FAM118B: variants seen among roughly 807,000 people sequenced by gnomAD.
FAM118B encodes the protein SIR2 antiphage like 1, also known as protein FAM118B.
FAM118B carries 24 observed loss-of-function variants against 38.5 expected under a neutral mutation model. The ratio of observed to expected loss-of-function variants is 0.62; its 90% CI spans 0.45 to 0.88. FAM118B has a LOEUF of 0.88. FAM118B is among the 40% of genes least tolerant of loss of function. The pLI, the probability that FAM118B is intolerant of heterozygous loss-of-function variation, is 0.00. For missense variants in FAM118B, 334 were observed against 420.0 expected, an observed-to-expected ratio of 0.80 and a Z score of 1.79; for synonymous variants, 138 against 156.3, an observed-to-expected ratio of 0.88 and a Z score of 0.87.
chr11:126,253,008 C>G lies in FAM118B; in HGVS notation c.568-1297C>G, dbSNP rs1488628243. Among the ~76,000 whole-genome samples, 2 of 152,344 alleles carry G rather than the reference C, an allele frequency of 1.3e-5. No homozygotes were observed. The highest frequency in any genetic ancestry group is 3.9e-4 in the East Asian group (2 of 5,192). ...CAAGATTGCGCCACTGTGCTCCAAT[C>G]TGGGCAACAGACCAAGACTCTGTCT... On this transcript the variant is annotated intron_variant, in intron 5 of 8. Transcript: ENST00000533050. The surrounding 1 kb of genome is among the most constrained non-coding windows in gnomAD (Gnocchi z 5.1).
At position 126,262,846 on chromosome 11, in the gene FAM118B, G is replaced by A. The variant is rs114906929; in HGVS notation, c.*713G>A. On this transcript the variant is annotated 3_prime_UTR_variant, in exon 9 of 9. Coordinates refer to ENST00000533050, the MANE Select transcript of FAM118B (RefSeq NM_024556.4). The stretch of plus-strand genomic sequence containing the variant: ...TTATCAACTTCTGCTCTGTTGTCCT[G>A]ACCATACATATGTCCTAGAACTACA... 141 of 152,722 alleles carry A rather than the reference G, an allele frequency of 9.2e-4. 2 individuals carry two copies. The highest frequency in any genetic ancestry group is 3.2e-3 in the African/African-American group (132 of 41,570). The allele number at this position is 152,722 out of a possible 1,614,324, so 9.5% of individuals were successfully genotyped here.
chr11:126,254,530 A>T, intron 6 of FAM118B, 97 bp downstream of exon 6: 1 of 1,501,976 alleles, frequency 6.7e-7, no homozygotes, highest in Non-Finnish European at 9.1e-7. Context: ...TCTTTTCATT[A>T]AGTGAAAACG....
At chr11:126,251,534 C>G (rs1950503283) in intron 5 of FAM118B, among the ~76,000 whole-genome samples, 1 of 152,174 alleles carries the variant, frequency 6.6e-6, no homozygotes, top group Non-Finnish European at 1.5e-5. Flanking sequence ...CCCATGAAGA[C>G]TAGTTTTCTC....
chr11:126,224,475 CAAAAAAAAAAA>C (rs58005174), intron 1 of FAM118B, among the ~76,000 whole-genome samples: 73 of 93,210 alleles, frequency 7.8e-4, no homozygotes, highest in African/African-American at 1.7e-3. Context: ...GACCCTGTCT[CAAAAAAAAAAA>C]AAAAAAAAAA....
intron 1 of FAM118B, among the ~76,000 whole-genome samples, chr11:126,226,416 A>G (rs1180839206): frequency 3.5e-5 from 1 of 28,916 alleles, no homozygotes; most frequent in African/African-American, 1.4e-4. Flanking sequence ...AGTTCCTATC[A>G]CTGTGAGTTA....
intron 1 of FAM118B, among the ~76,000 whole-genome samples, chr11:126,212,185 T>A (rs187041889): frequency 6.6e-6 from 1 of 152,326 alleles, no homozygotes; most frequent in African/African-American, 2.4e-5. Flanking sequence ...CCTCTTTGTT[T>A]CGCGTTGTAA....
chr11:126,244,530 G>A lies in FAM118B; in HGVS notation c.339+3486G>A, dbSNP rs527294165. 2.3e-4 allele frequency among the ~76,000 whole-genome samples: 35 copies of A among 152,344 alleles called. No homozygotes were observed. Among genetic ancestry groups the A allele is most frequent in the African/African-American group, 7.5e-4 (31 of 41,588 alleles). On this transcript the variant is annotated intron_variant, in intron 4 of 8. Transcript: ENST00000533050. The surrounding 1 kb of genome is among the most constrained non-coding windows in gnomAD (Gnocchi z 4.5). ...ACGAAAGAAGTACAGAAGGCTAGGC[G>A]TGGTGGCCCATGCCTGTTGTCTCAG...
chr11:126,235,853 G>A (rs1450404884), intron 3 of FAM118B, among the ~76,000 whole-genome samples: 4 of 130,732 alleles, frequency 3.1e-5, no homozygotes, highest in Admixed American at 1.4e-4. Context: ...ACATTATTAC[G>A]ACTGTATAAG....
intron 4 of FAM118B, among the ~76,000 whole-genome samples, chr11:126,246,580 G>A (rs550659390): frequency 4.6e-5 from 7 of 152,240 alleles, no homozygotes; most frequent in South Asian, 2.1e-4. Flanking sequence ...ACCCTGGGGC[G>A]GGAGGCGGTG....
intron 4 of FAM118B, among the ~76,000 whole-genome samples, chr11:126,249,310 T>C (rs531998185): frequency 6.6e-6 from 1 of 152,340 alleles, no homozygotes; most frequent in South Asian, 2.1e-4. Flanking sequence ...TATTAAATTG[T>C]TTACGTTAAC....
rs1369869555 is a variant in FAM118B, at chr11:126,233,274, G to A, written c.-7-1721G>A. Among the ~76,000 whole-genome samples the A allele has an allele frequency of 4.6e-5, 7 of 152,136 alleles. No individual in the cohort carries two copies. In the East Asian group the frequency reaches 1.2e-3, roughly 25 times the overall value. ...GCGGATCACCTGAGGTCAGGAGTTC[G>A]AGACCAGCCTGATCAACATGAAGAA... On this transcript the variant is annotated intron_variant, in intron 2 of 8. Transcript: ENST00000533050.
At chr11:126,239,717 T>G (rs1950330475) in intron 3 of FAM118B, among the ~76,000 whole-genome samples, 2 of 152,230 alleles carry the variant, frequency 1.3e-5, no homozygotes, top group Non-Finnish European at 2.9e-5. Flanking sequence ...TTTCACCATG[T>G]TGGCCAGGCT....
chr11:126,237,993 G>A (rs1950304432), intron 3 of FAM118B, among the ~76,000 whole-genome samples: 1 of 151,196 alleles, frequency 6.6e-6, no homozygotes, highest in Non-Finnish European at 1.5e-5. Context: ...TGGTATAACT[G>A]TTATGTTGGG....
intron 2 of FAM118B, 47 bp from the exon 3 acceptor site, chr11:126,234,948 A>G (rs747415538): frequency 4.1e-5 from 59 of 1,446,056 alleles, no homozygotes; most frequent in African/African-American, 1.4e-5. Flanking sequence ...TTTGAATAGT[A>G]TACTTTACAG....
chr11:126,243,027 A>C (rs574649087), intron 4 of FAM118B, among the ~76,000 whole-genome samples: 1 of 152,360 alleles, frequency 6.6e-6, no homozygotes, highest in East Asian at 1.9e-4. Context: ...TTGGCCATTA[A>C]AAGGAATGAA....
chr11:126,225,837 G>A (rs1950132901), intron 1 of FAM118B, among the ~76,000 whole-genome samples: 1 of 152,098 alleles, frequency 6.6e-6, no homozygotes, highest in Admixed American at 6.6e-5. Flanking sequence ...AAAATTAGCT[G>A]GGCGTGGTGG....
Position 126,244,593 on chromosome 11 carries a change from C to T in FAM118B, c.339+3549C>T, listed in dbSNP as rs1333213034. On this transcript the variant is annotated intron_variant, in intron 4 of 8. Coordinates refer to ENST00000533050, the MANE Select transcript of FAM118B (RefSeq NM_024556.4). The surrounding 1 kb of genome is among the most constrained non-coding windows in gnomAD (Gnocchi z 4.5). ...CCGAGGTGGGCGGATCACCTGAGGT[C>T]GGGAGGTAGAGACCAGCCTGGCCAA... Among the ~76,000 whole-genome samples the T allele has an allele frequency of 1.3e-5, 2 of 152,150 alleles. No individual in the cohort carries two copies. The highest frequency in any genetic ancestry group is 4.8e-5 in the African/African-American group (2 of 41,434).
intron 2 of FAM118B, chr11:126,233,626 A>C (rs1950234904): frequency 1.2e-5 from 5 of 412,652 alleles, no homozygotes; most frequent in South Asian, 8.8e-5. Flanking sequence ...TGGAAACATG[A>C]TCTACTTCCT....
At chr11:126,233,699 C>T (rs1342326483) in intron 2 of FAM118B, 3 of 456,124 alleles carry the variant, frequency 6.6e-6, no homozygotes, top group East Asian at 7.0e-5. Context: ...AGAAGAATTA[C>T]ACTGCGTGTG....
Sources: gnomAD v4.1 joint callset for allele counts (sites outside exome capture counted in the v4.1 genomes callset) on GRCh38, gnomAD v4.1.1 for gene constraint, Gnocchi (gnomAD v3.1) non-coding constraint, MANE v1.5 for transcripts, NCBI Gene and HGNC (gene_info 2026-07-23, HGNC 2026-07-21) for gene names.